FOXN3: variants seen among roughly 807,000 people sequenced by gnomAD.
FOXN3 encodes forkhead box protein N3.
FOXN3 carries 7 observed loss-of-function variants against 38.4 expected under a neutral mutation model. The observed-to-expected ratio is 0.18, with a 90% confidence interval of 0.10 to 0.34. The LOEUF is 0.34. Among genes scored for constraint, FOXN3 ranks in the 10% least tolerant of loss-of-function variants. The pLI, the probability that FOXN3 is intolerant of heterozygous loss-of-function variation, is 1.00. For missense variants in FOXN3, 456 were observed against 613.4 expected, an observed-to-expected ratio of 0.74 and a Z score of 2.71; for synonymous variants, 230 against 242.2, an observed-to-expected ratio of 0.95 and a Z score of 0.47.
Position 89,412,761 on chromosome 14 carries a change from C to T in FOXN3, c.-14-271G>A, listed in dbSNP as rs1272850597. ...TAAGACCAGTAACACCGGCCAGGCA[C>T]GGTGGCTCACGCCTGTAATCCCAGC... On this transcript the variant is annotated intron_variant, in intron 1 of 5. Coordinates refer to ENST00000557258, the MANE Select transcript of FOXN3 (RefSeq NM_005197.4). This position sits in a 1 kb window ranked among gnomAD's most constrained non-coding sequence, Gnocchi z 4.7. Among the ~76,000 whole-genome samples the T allele has an allele frequency of 6.6e-6, 1 of 152,174 alleles. No individual in the cohort carries two copies. Among genetic ancestry groups the T allele is most frequent in the Admixed American group, 6.5e-5 (1 of 15,278 alleles).
At chr14:89,235,754 C>T (rs929101558) in intron 4 of FOXN3, among the ~76,000 whole-genome samples, 3 of 149,648 alleles carry the variant, frequency 2.0e-5, no homozygotes, top group African/African-American at 7.7e-5. Flanking sequence ...ACCTGACCCG[C>T]TGTGGTTGTC....
At chr14:89,470,117 C>A (rs1893062216) in intron 1 of FOXN3, among the ~76,000 whole-genome samples, 1 of 152,184 alleles carries the variant, frequency 6.6e-6, no homozygotes, top group Non-Finnish European at 1.5e-5. Context: ...TATTTATACA[C>A]CAGCTAAACT....
chr14:89,183,335 T>A (rs992141029), intron 4 of FOXN3, among the ~76,000 whole-genome samples: 1 of 152,202 alleles, frequency 6.6e-6, no homozygotes, highest in Admixed American at 6.5e-5. Flanking sequence ...AAATCTCTAA[T>A]ACAGTTGTAA....
chr14:89,288,904 G>A lies in FOXN3; in HGVS notation c.681-7890C>T, dbSNP rs553454353. 4.6e-5 allele frequency among the ~76,000 whole-genome samples: 7 copies of A among 151,414 alleles called. No homozygotes were observed. The East Asian group carries it at 1.4e-3, about 29-fold the overall frequency. On this transcript the variant is annotated intron_variant, in intron 3 of 5. Coordinates refer to ENST00000557258, the MANE Select transcript of FOXN3 (RefSeq NM_005197.4). Reference sequence around the variant, plus strand: ...TCTCTTAACATTGAAAAAAACATGGGGCCGGGTGTGGTGGCTCACACCTGT... The same window carrying A: ...TCTCTTAACATTGAAAAAAACATGGAGCCGGGTGTGGTGGCTCACACCTGT...
chr14:89,502,614 G>T (rs1395936261), intron 1 of FOXN3, among the ~76,000 whole-genome samples: 6 of 152,176 alleles, frequency 3.9e-5, no homozygotes, highest in African/African-American at 1.2e-4. Context: ...CTTCTTAGCG[G>T]TGCATAAAAT....
rs115650150 is a variant in FOXN3 at position 89,307,099 on chromosome 14, C to T, written c.681-26085G>A. Among the ~76,000 whole-genome samples the T allele has an allele frequency of 2.9e-3, 442 of 152,230 alleles. 4 individuals carry two copies. The highest frequency in any genetic ancestry group is 9.7e-3 in the African/African-American group (404 of 41,538). On this transcript the variant is annotated intron_variant, in intron 3 of 5. Coordinates refer to ENST00000557258, the MANE Select transcript of FOXN3 (RefSeq NM_005197.4). The stretch of plus-strand genomic sequence containing the variant: ...CAAAACAAAGCAAATAGGCCATGTC[C>T]CACCCAATGGCCTGAAACCTAGGTT...
At chr14:89,217,116 GGT>G (rs1884309398) in intron 4 of FOXN3, among the ~76,000 whole-genome samples, 1 of 150,498 alleles carries the variant, frequency 6.6e-6, no homozygotes, top group Non-Finnish European at 1.5e-5. Flanking sequence ...AAATGACAAG[GGT>G]GTGAGATCTC....
At chr14:89,585,722 T>C (rs965292766) in intron 1 of FOXN3, among the ~76,000 whole-genome samples, 4 of 149,406 alleles carry the variant, frequency 2.7e-5, no homozygotes, top group Non-Finnish European at 5.9e-5. Flanking sequence ...TAGATTTATT[T>C]GTTCCTTCTC....
At chr14:89,439,038 G>A (rs1393810442) in intron 1 of FOXN3, among the ~76,000 whole-genome samples, 3 of 152,102 alleles carry the variant, frequency 2.0e-5, no homozygotes, top group African/African-American at 7.2e-5. Flanking sequence ...GATTACAAGC[G>A]TGAGCCACCA....
upstream of FOXN3, among the ~76,000 whole-genome samples, chr14:89,420,817 GGTCAGA>G (rs969887749): frequency 4.0e-5 from 6 of 151,388 alleles, no homozygotes. Flanking sequence ...TATGTGTTAA[GGTCAGA>G]GGGCAAAGGT....
At chr14:89,324,677 AC>A (rs1180765782) in intron 3 of FOXN3, among the ~76,000 whole-genome samples, 1 of 152,134 alleles carries the variant, frequency 6.6e-6, no homozygotes, top group Non-Finnish European at 1.5e-5. Flanking sequence ...TCTCTTAACC[AC>A]AGGGACCCAC....
intron 1 of FOXN3, among the ~76,000 whole-genome samples, chr14:89,454,168 G>A (rs1892674947): frequency 6.6e-6 from 1 of 152,188 alleles, no homozygotes; most frequent in African/African-American, 2.4e-5. Context: ...GCCGGGCATG[G>A]TGGCACATGC....
chr14:89,514,576 G>A (rs989212121), intron 1 of FOXN3, among the ~76,000 whole-genome samples: 31 of 152,200 alleles, frequency 2.0e-4, no homozygotes, highest in Non-Finnish European at 3.8e-4. Context: ...AGAAACTGAG[G>A]TCCAAAGAAG....
rs549639880 is a variant in FOXN3, at chr14:89,299,721, A to G, written c.681-18707T>C. On this transcript the variant is annotated intron_variant, in intron 3 of 5. Coordinates refer to ENST00000557258, the MANE Select transcript of FOXN3 (RefSeq NM_005197.4). ...AAGTCTGGACTGGAGGGACTCTGAG[A>G]CTGAGGAAGCCCAGCCACTCCCTCC... Among the ~76,000 whole-genome samples, 4 of 152,208 alleles carry G rather than the reference A, an allele frequency of 2.6e-5. No individual in the cohort carries two copies. The East Asian group carries it at 5.8e-4, about 22-fold the overall frequency.
intron 2 of FOXN3, among the ~76,000 whole-genome samples, chr14:89,403,233 ACT>A (rs1397257859): frequency 6.6e-6 from 1 of 151,694 alleles, no homozygotes; most frequent in African/African-American, 2.4e-5. Context: ...ACATGGTCTC[ACT>A]CTGTCGCCCA....
At chr14:89,479,899 G>T (rs972048414) in intron 1 of FOXN3, among the ~76,000 whole-genome samples, 1 of 152,130 alleles carries the variant, frequency 6.6e-6, no homozygotes, top group African/African-American at 2.4e-5. Context: ...ACTCTTAATA[G>T]GTCTATGAGT....
rs185846413 is a variant in FOXN3 at position 89,445,834 on chromosome 14, A to C, written c.-14-33344T>G. Among the ~76,000 whole-genome samples the C allele has an allele frequency of 3.7e-4, 56 of 152,062 alleles. No homozygotes were observed. In the East Asian group the frequency reaches 9.7e-3, roughly 26 times the overall value. On this transcript the variant is annotated intron_variant, in intron 1 of 6. Coordinates refer to the FOXN3 transcript ENST00000345097. The stretch of plus-strand genomic sequence containing the variant: ...GGTGGCTCACACCTATAACCCCAGC[A>C]CTTTGGGAGGCCCAGGTGGTGGAAT...
At chr14:89,448,084 T>C (rs1596277824) in intron 1 of FOXN3, among the ~76,000 whole-genome samples, 1 of 152,200 alleles carries the variant, frequency 6.6e-6, no homozygotes, top group East Asian at 1.9e-4. Context: ...AGTGCTGGGA[T>C]TACAGGCGTG....
intron 1 of FOXN3, among the ~76,000 whole-genome samples, chr14:89,510,814 C>T (rs569652145): frequency 1.1e-4 from 17 of 152,204 alleles, no homozygotes; most frequent in Admixed American, 9.2e-4. Context: ...TGGTGGTGTG[C>T]GCCTGTAAAT....
Sources: allele counts gnomAD v4.1 joint callset (sites outside exome capture counted in the v4.1 genomes callset), GRCh38; gene constraint gnomAD v4.1.1; non-coding constraint Gnocchi (gnomAD v3.1); transcripts MANE v1.5; gene names NCBI Gene and HGNC (gene_info 2026-07-23, HGNC 2026-07-21).